The following NUP210 variants were observed in gnomAD, a reference collection of about 807,000 sequenced individuals.
NUP210 encodes nuclear pore membrane glycoprotein 210.
A neutral mutation model predicts 196.0 loss-of-function variants in NUP210; 151 were observed. The ratio of observed to expected loss-of-function variants is 0.77; its 90% CI spans 0.67 to 0.88. NUP210 has a LOEUF of 0.88. Ranked by LOEUF, NUP210 falls within the 40% of genes least tolerant of loss-of-function variation. NUP210 has a pLI of 0.00. For missense variants in NUP210, 2,314 were observed against 2,493.7 expected, an observed-to-expected ratio of 0.93 and a Z score of 1.53; for synonymous variants, 1,070 against 1,052.7, an observed-to-expected ratio of 1.02 and a Z score of -0.32.
chr3:13,346,891 G>A (rs1198485175), intron 20 of NUP210, among the ~76,000 whole-genome samples: 1 of 152,216 alleles, frequency 6.6e-6, no homozygotes, highest in African/African-American at 2.4e-5. Flanking sequence ...AAAATCACAG[G>A]CACTGAGTGG....
intron 11 of NUP210, 93 bp downstream of exon 11, chr3:13,375,409 TAG>T: frequency 8.3e-7 from 1 of 1,207,572 alleles, no homozygotes; most frequent in Middle Eastern, 2.0e-4. Flanking sequence ...CCACAACCAC[TAG>T]AGAGTAATAC....
Position 13,358,229 on chromosome 3 carries a change from T to C in NUP210, c.2321A>G (p.Lys774Arg). 1 of 1,606,910 alleles carries C rather than the reference T, an allele frequency of 6.2e-7. No homozygotes were observed. Among genetic ancestry groups the C allele is most frequent in the Non-Finnish European group, 8.5e-7 (1 of 1,175,452 alleles). The change falls in exon 16 of 40, where the codon AAG becomes AGG. Residue 774 changes from lysine (K) to arginine (R), a missense_variant. By Grantham distance (26) the Lys-to-Arg change is conservative. Transcript: ENST00000254508. ...DMSCPLLQQN[K>R]QVVPVSSHRN... ...AGCATAGCCCACACTCACCACCTGC[T>C]TGTTCTGCTGCAGCAGCGGACAGGA...
intron 1 of NUP210, among the ~76,000 whole-genome samples, chr3:13,403,625 G>A (rs547951949): frequency 6.6e-6 from 1 of 152,314 alleles, no homozygotes; most frequent in Admixed American, 6.5e-5. Flanking sequence ...GCAGGCGCAG[G>A]GCTCTCATGT....
Position 13,319,122 on chromosome 3 carries a change from G to T in NUP210, c.5513C>A (p.Ala1838Asp), listed in dbSNP as rs1235302301. Residue 1838 changes from alanine (A) to aspartate (D), a missense_variant, in exon 39 of 40, where the codon GCT becomes GAT. Physicochemically the swap from Ala to Asp is moderately radical, Grantham distance 126. Transcript: ENST00000254508. The stretch of plus-strand genomic sequence containing the variant: ...TCGAGGCGTGAGGGCTGCAGGCACA[G>T]CAAGATCCCGGGGCGTGCAGACAGT... The part of the protein sequence containing the change: ...YHTVCTPRDL[A>D]VPAALTPRAS... The T allele has an allele frequency of 6.2e-7, 1 of 1,609,586 alleles. No individual in the cohort carries two copies. The highest frequency in any genetic ancestry group is 1.3e-5 in the African/African-American group (1 of 74,994).
At chr3:13,370,446 C>A (rs1302248621) in intron 13 of NUP210, among the ~76,000 whole-genome samples, 1 of 152,330 alleles carries the variant, frequency 6.6e-6, no homozygotes, top group Non-Finnish European at 1.5e-5. Flanking sequence ...ATACAGCCAG[C>A]AAGGGAGTGG....
intron 2 of NUP210, 53 bp downstream of exon 2, chr3:13,399,671 CG>C: frequency 1.2e-6 from 2 of 1,611,958 alleles, no homozygotes; most frequent in Non-Finnish European, 1.7e-6. Context: ...TCTTAGTGGG[CG>C]TTTCCCTGTC....
At chr3:13,343,342 G>GGGGGGGGGGGGGGGGC in intron 20 of NUP210, 39 bp from the exon 21 acceptor site, 15 of 655,954 alleles carry the variant, frequency 2.3e-5, no homozygotes, top group East Asian at 4.4e-5. Context: ...TGGGTGGTGG[G>GGGGGGGGGGGGGGGGC]TTACGCAGCT....
intron 14 of NUP210, among the ~76,000 whole-genome samples, chr3:13,363,546 G>A (rs1174052378): frequency 2.0e-5 from 3 of 152,212 alleles, no homozygotes; most frequent in East Asian, 1.9e-4. Flanking sequence ...GGTTAACAAC[G>A]CAGCTGATGA....
chr3:13,383,858 C>T (rs1699183002), intron 6 of NUP210, among the ~76,000 whole-genome samples: 1 of 151,914 alleles, frequency 6.6e-6, no homozygotes, highest in African/African-American at 2.4e-5. Context: ...AGCCCATCCC[C>T]TCTTAACTAC....
In NUP210 at chr3:13,379,422, A is replaced by T; in HGVS notation, c.976+141T>A. 1.8e-6 allele frequency: 2 copies of T among 1,101,888 alleles called. No individual in the cohort carries two copies. The highest frequency in any genetic ancestry group is 1.9e-5 in the Admixed American group (1 of 52,808). The allele number at this position is 1,101,888 out of a possible 1,614,324, so 68.3% of individuals were successfully genotyped here. On this transcript the variant is annotated intron_variant, in intron 7 of 39. Coordinates refer to ENST00000254508, the MANE Select transcript of NUP210 (RefSeq NM_024923.4). The surrounding 1 kb of genome is among the most constrained non-coding windows in gnomAD (Gnocchi z 4.2). The stretch of plus-strand genomic sequence containing the variant: ...GTGAGCAATTCCACTCAGCAGTGCT[A>T]TTTCAGTTCTTTCTGATTTTCAGAC...
At position 13,420,278 on chromosome 3, in the gene NUP210, C is replaced by T. The variant is rs947269536; in HGVS notation, c.-52G>A. On this transcript the variant is annotated 5_prime_UTR_variant, in exon 1 of 40. Coordinates refer to ENST00000254508, the MANE Select transcript of NUP210 (RefSeq NM_024923.4). The surrounding 1 kb of genome is among the most constrained non-coding windows in gnomAD (Gnocchi z 4.8). ...CCTGCGCCCGGCCGCCCGCGCCGCCCCGTTGCCCTCCGCTCCCGCCCGCGC... is the reference window on the plus strand; with the variant it reads ...CCTGCGCCCGGCCGCCCGCGCCGCCTCGTTGCCCTCCGCTCCCGCCCGCGC... 2.9e-6 allele frequency: 3 copies of T among 1,021,394 alleles called. No individual in the cohort carries two copies. Among genetic ancestry groups the T allele is most frequent in the Non-Finnish European group, 3.5e-6 (3 of 852,758 alleles). 63.3% of individuals were successfully genotyped at this position (1,021,394 alleles called of 1,614,324 possible). A position where few individuals can be genotyped will look rare whatever the true frequency, so the allele number is the denominator to read the frequency against.
At position 13,319,246 on chromosome 3, in the gene NUP210, T is replaced by C. The variant is rs2124823012; in HGVS notation, c.5463A>G (p.Thr1821=). ...CCTCCTCACCTATGATCATGACCGC[T>C]GTCCCAGCCAACAGGGCGAAGAGCG... ...FFTLFALLAG[T]AVMIIAYHTV... is the part of the protein sequence containing the mutation. Residue 1821 remains threonine (T), a synonymous_variant, in exon 38 of 40, where the codon ACA becomes ACG. Coordinates refer to ENST00000254508, the MANE Select transcript of NUP210 (RefSeq NM_024923.4). 3.1e-6 allele frequency: 5 copies of C among 1,613,342 alleles called. No homozygotes were observed. In the South Asian group the frequency reaches 4.4e-5, roughly 14 times the overall value.
At chr3:13,418,948 CAAAAAAAAAAAAAA>C (rs112826426) in intron 1 of NUP210, among the ~76,000 whole-genome samples, 1 of 52,494 alleles carries the variant, frequency 1.9e-5, no homozygotes, top group East Asian at 6.8e-4. Flanking sequence ...AACTCCGTCT[CAAAAAAAAAAAAAA>C]AAAAAAAAAA....
Position 13,420,042 on chromosome 3 carries a change from C to T in NUP210, c.167+18G>A, listed in dbSNP as rs781356432. On this transcript the variant is annotated intron_variant, in intron 1 of 39. Transcript: ENST00000254508. The surrounding 1 kb of genome is among the most constrained non-coding windows in gnomAD (Gnocchi z 4.8). ...AGCCCGGCCCACGGCGCCCGCCCGG[C>T]CCGGCCGCGCGCCTCACCAGCGGTA... is the stretch of plus-strand genomic sequence containing the variant. 1 of 1,240,178 alleles carries T rather than the reference C, an allele frequency of 8.1e-7. No individual in the cohort carries two copies. Among genetic ancestry groups the T allele is most frequent in the Admixed American group, 3.6e-5 (1 of 27,706 alleles). The allele number at this position is 1,240,178 out of a possible 1,614,324, so 76.8% of individuals were successfully genotyped here.
intron 13 of NUP210, among the ~76,000 whole-genome samples, chr3:13,370,288 CT>C (rs1698686210): frequency 6.6e-6 from 1 of 152,218 alleles, no homozygotes; most frequent in South Asian, 2.1e-4. Context: ...ATCTTGACTG[CT>C]GTTTTCAGAA....
At chr3:13,353,709 C>T (rs770669907) in intron 17 of NUP210, 49 bp from the exon 18 acceptor site, 21 of 1,507,082 alleles carry the variant, frequency 1.4e-5, no homozygotes, top group Non-Finnish European at 1.8e-5. Flanking sequence ...CCCATCACCA[C>T]CCCTGAAGCA....
chr3:13,322,859 C>T (rs1017898030), intron 34 of NUP210, among the ~76,000 whole-genome samples: 1 of 152,238 alleles, frequency 6.6e-6, no homozygotes, highest in African/African-American at 2.4e-5. Context: ...GAAAACAGCC[C>T]TGTTGACTTA....
chr3:13,403,310 G>A (rs1278102562), intron 1 of NUP210, among the ~76,000 whole-genome samples: 1 of 152,144 alleles, frequency 6.6e-6, no homozygotes, highest in Admixed American at 6.5e-5. Context: ...GTCTAGTGAG[G>A]GCCCACTTTC....
At chr3:13,375,703 G>A in intron 10 of NUP210, 62 bp from the exon 11 acceptor site, 2 of 1,552,064 alleles carry the variant, frequency 1.3e-6, no homozygotes, top group African/African-American at 2.7e-5. Context: ...GTCTTTCCCA[G>A]TCACCGGACC....
Sources: allele counts gnomAD v4.1 joint callset (sites outside exome capture counted in the v4.1 genomes callset), GRCh38; gene constraint gnomAD v4.1.1; non-coding constraint Gnocchi (gnomAD v3.1); transcripts MANE v1.5; gene names NCBI Gene and HGNC (gene_info 2026-07-23, HGNC 2026-07-21).